Variants in FAM222B observed in about 807,000 individuals in gnomAD.
FAM222B encodes the protein protein FAM222B.
In FAM222B, 12 loss-of-function variants were observed where a neutral mutation model predicts 38.0. The observed-to-expected ratio is 0.32, with a 90% confidence interval of 0.20 to 0.51. FAM222B has a LOEUF of 0.51. FAM222B is among the 20% of genes least tolerant of loss of function. The pLI is 0.97. For synonymous variants in FAM222B, 329 were observed against 317.2 expected (o/e 1.04, Z -0.40); for missense variants, 716 against 754.2 (o/e 0.95, Z 0.59).
chr17:28,766,527 C>A, intron 2 of FAM222B, 59 bp downstream of exon 2: 1 of 1,449,418 alleles, frequency 6.9e-7, no homozygotes, highest in Non-Finnish European at 9.5e-7. Flanking sequence ...CAAGGACGGC[C>A]CAAATGTAGA....
intron 1 of FAM222B, among the ~76,000 whole-genome samples, chr17:28,769,331 A>C (rs1322743304): frequency 6.6e-6 from 1 of 151,778 alleles, no homozygotes; most frequent in Non-Finnish European, 1.5e-5. Context: ...GGCGCCTGCC[A>C]CCATGCCCGG....
intron 2 of FAM222B, among the ~76,000 whole-genome samples, chr17:28,765,986 AT>A (rs1192674779): frequency 6.6e-6 from 1 of 152,190 alleles, no homozygotes; most frequent in Non-Finnish European, 1.5e-5. Context: ...ATAGTAAGTA[AT>A]CTGGACTGTG....
chr17:28,825,433 CAAAAAAAAAAA>C (rs935599439), intron 1 of FAM222B, among the ~76,000 whole-genome samples: 2 of 41,302 alleles, frequency 4.8e-5, no homozygotes, highest in African/African-American at 8.3e-5. Context: ...GATCCCGTCT[CAAAAAAAAAAA>C]AAAAAAAAAA....
chr17:28,844,100 T>C (rs2039121559), upstream of FAM222B, among the ~76,000 whole-genome samples: 1 of 152,146 alleles, frequency 6.6e-6, no homozygotes, highest in Non-Finnish European at 1.5e-5. Flanking sequence ...TGTCAGTCCC[T>C]AGACTACTGT....
chr17:28,846,903 G>A (rs942586230), upstream of FAM222B, among the ~76,000 whole-genome samples: 1 of 151,862 alleles, frequency 6.6e-6, no homozygotes, highest in African/African-American at 2.4e-5. Context: ...CCTGGGCAAC[G>A]TAGTGAGACT....
intron 1 of FAM222B, among the ~76,000 whole-genome samples, chr17:28,811,396 C>A (rs1197081816): frequency 6.6e-6 from 1 of 152,202 alleles, no homozygotes; most frequent in African/African-American, 2.4e-5. Context: ...GCCGAGATCG[C>A]GCCACTGCAC....
chr17:28,828,278 G>C (rs1228894751), intron 1 of FAM222B, among the ~76,000 whole-genome samples: 1 of 151,438 alleles, frequency 6.6e-6, no homozygotes, highest in Non-Finnish European at 1.5e-5. Flanking sequence ...AAAAAACAAA[G>C]TGAGCTGGGC....
intron 1 of FAM222B, among the ~76,000 whole-genome samples, chr17:28,854,213 G>C (rs1277600587): frequency 6.6e-6 from 1 of 152,182 alleles, no homozygotes; most frequent in Non-Finnish European, 1.5e-5. Context: ...AAAGTGCTGG[G>C]ATTACAGGCG....
chr17:28,797,296 G>A (rs1875469880), intron 1 of FAM222B, among the ~76,000 whole-genome samples: 2 of 151,984 alleles, frequency 1.3e-5, no homozygotes, highest in South Asian at 2.1e-4. Flanking sequence ...GCGGCTGGCT[G>A]GCTATTGCGA....
rs762661365 is a variant in FAM222B, at chr17:28,758,419, C to G, written c.1540G>C (p.Val514Leu). ...TGGAAATCCCCACTTAGGTAATCCA[C>G]TGTTTGCATCAAGCTGTTCTGGCTT... is the stretch of plus-strand genomic sequence containing the variant. ...VASQNSLMQT[V>L]DYLSGDFQQA... Residue 514 changes from valine (V) to leucine (L), a missense_variant, in exon 3 of 3, where the codon GTG (valine) becomes CTG (leucine). Coordinates refer to ENST00000581407, the MANE Select transcript of FAM222B (RefSeq NM_001077498.3). 2 of 1,613,962 alleles carry G rather than the reference C, an allele frequency of 1.2e-6. No individual in the cohort carries two copies. The highest frequency in any genetic ancestry group is 2.2e-5 in the South Asian group (2 of 91,082).
In FAM222B at chr17:28,766,709, T is replaced by G. The variant is rs769592494; in HGVS notation, c.-40-2A>C. On this transcript the variant is annotated splice_acceptor_variant, in intron 1 of 2. Transcript: ENST00000581407. LOFTEE classifies it low-confidence loss of function (5UTR_SPLICE). ...CACAACATGGGGCAGTGGCTCACAC[T>G]GTAATGAACAAAAACAAGGTCATGA... 6.7e-7 allele frequency: 1 copy of G among 1,489,190 alleles called. No individual in the cohort carries two copies. 92.2% of individuals were successfully genotyped at this position (1,489,190 alleles called of 1,614,324 possible). A position where few individuals can be genotyped will look rare whatever the true frequency, so the allele number is the denominator to read the frequency against.
chr17:28,830,222 C>A (rs1323043461), intron 1 of FAM222B, among the ~76,000 whole-genome samples: 1 of 145,498 alleles, frequency 6.9e-6, no homozygotes, highest in Admixed American at 7.2e-5. Flanking sequence ...AGTGCAGTGG[C>A]GCGATCTTGG....
intron 1 of FAM222B, among the ~76,000 whole-genome samples, chr17:28,854,122 T>C (rs1166165641): frequency 2.0e-5 from 3 of 151,910 alleles, no homozygotes; most frequent in African/African-American, 4.8e-5. Context: ...TTTTTGTATT[T>C]TTAGTAGAGA....
intron 1 of FAM222B, among the ~76,000 whole-genome samples, chr17:28,809,194 T>C (rs745964023): frequency 2.1e-4 from 32 of 151,676 alleles, no homozygotes; most frequent in Non-Finnish European, 4.6e-4. Context: ...CTACTGAAAA[T>C]ACAAAAATTA....
rs2035585415 is a variant in FAM222B, at chr17:28,770,685, C to A, written c.-40-3978G>T. Among the ~76,000 whole-genome samples the A allele has an allele frequency of 3.9e-5, 6 of 152,214 alleles. No individual in the cohort carries two copies. The South Asian group carries it at 1.2e-3, about 32-fold the overall frequency. ...TCCTGGGTTCCCGCCATTCTCCTGC[C>A]TCAGCCTCCAGAGTAGCTGGGACTA... On this transcript the variant is annotated intron_variant, in intron 1 of 2. Coordinates refer to ENST00000581407, the MANE Select transcript of FAM222B (RefSeq NM_001077498.3).
At chr17:28,772,125 T>TA (rs2035663467) in intron 1 of FAM222B, among the ~76,000 whole-genome samples, 1 of 152,084 alleles carries the variant, frequency 6.6e-6, no homozygotes, top group Non-Finnish European at 1.5e-5. Flanking sequence ...ACCTCAACCT[T>TA]AAGAAACGTT....
At chr17:28,768,836 C>CG (rs2035467961) in intron 1 of FAM222B, among the ~76,000 whole-genome samples, 1 of 70,878 alleles carries the variant, frequency 1.4e-5, no homozygotes, top group African/African-American at 5.5e-5. Flanking sequence ...AACTCTGTCT[C>CG]AAAAAAAAAA....
At chr17:28,806,616 C>T (rs2037508816) in intron 1 of FAM222B, among the ~76,000 whole-genome samples, 1 of 152,146 alleles carries the variant, frequency 6.6e-6, no homozygotes, top group South Asian at 2.1e-4. Context: ...AAAATAAAAT[C>T]ACCTTCAAGT....
chr17:28,845,152 A>G (rs930399591), upstream of FAM222B, among the ~76,000 whole-genome samples: 2 of 151,804 alleles, frequency 1.3e-5, no homozygotes, highest in African/African-American at 4.8e-5. Context: ...CTGTAATCCC[A>G]GCACTTTGGG....
Sources: allele counts gnomAD v4.1 joint callset (sites outside exome capture counted in the v4.1 genomes callset), GRCh38; gene constraint gnomAD v4.1.1; transcripts MANE v1.5; gene names NCBI Gene and HGNC (gene_info 2026-07-23, HGNC 2026-07-21).